The following RIOK1 variants were observed in gnomAD, a reference collection of about 807,000 sequenced individuals.
RIOK1 encodes RIO kinase 1.
RIOK1 carries 66 observed loss-of-function variants against 73.5 expected under a neutral mutation model. The observed-to-expected ratio is 0.90, with a 90% CI of 0.74 to 1.10. The LOEUF is 1.10. RIOK1 is among the 50% of genes least tolerant of loss of function. RIOK1 has a pLI of 0.00. For missense variants in RIOK1, 658 were observed against 699.8 expected, an observed-to-expected ratio of 0.94 and a Z score of 0.67; for synonymous variants, 224 against 226.8, an observed-to-expected ratio of 0.99 and a Z score of 0.11.
chr6:7,417,465 T>A lies in RIOK1; in HGVS notation c.*24T>A. On this transcript the variant is annotated 3_prime_UTR_variant, in exon 17 of 17. Coordinates refer to ENST00000379834, the MANE Select transcript of RIOK1 (RefSeq NM_031480.3). Reference sequence around the variant, plus strand: ...AGAATGAGAACCATATTATGTACAGTCATTTTCCTCAGTTCCTTTTCTCGC... The same window carrying A: ...AGAATGAGAACCATATTATGTACAGACATTTTCCTCAGTTCCTTTTCTCGC... 1.4e-6 allele frequency: 2 copies of A among 1,386,738 alleles called. No homozygotes were observed. The highest frequency in any genetic ancestry group is 5.2e-5 in the Admixed American group (2 of 38,644). The allele number at this position is 1,386,738 out of a possible 1,614,324, so 85.9% of individuals were successfully genotyped here. A position where few individuals can be genotyped will look rare whatever the true frequency, so the allele number is the denominator to read the frequency against.
rs1168009113 is a variant in RIOK1, at chr6:7,404,509, CA to C, written c.947del (p.Gln316ArgfsTer42). On this transcript the variant is annotated frameshift_variant, in exon 10 of 17. Coordinates refer to ENST00000379834, the MANE Select transcript of RIOK1 (RefSeq NM_031480.3). LOFTEE classifies it high-confidence loss of function. ...CATTCAGTACATGAGAAGAATGTAT[CA>C]GGATGCCAGACTTGTCCATGCAGAT... ...QVIQYMRRMYQDARLVHADLS... is the reference protein window; with the variant it reads ...QVIQYMRRMYXDARLVHADLS... 4 of 1,614,140 alleles carry C rather than the reference CA, an allele frequency of 2.5e-6. No individual in the cohort carries two copies. In the South Asian group the frequency reaches 4.4e-5, roughly 18 times the overall value.
At chr6:7,408,277 TC>T (rs1761798891) in intron 12 of RIOK1, among the ~76,000 whole-genome samples, 1 of 152,230 alleles carries the variant, frequency 6.6e-6, no homozygotes, top group African/African-American at 2.4e-5. Context: ...CCTCAGGAGA[TC>T]CGCCTGCCTC....
At chr6:7,407,403 G>A (rs759352737) in intron 12 of RIOK1, among the ~76,000 whole-genome samples, 3 of 151,994 alleles carry the variant, frequency 2.0e-5, no homozygotes, top group Non-Finnish European at 4.4e-5. Context: ...TATGGTTTTG[G>A]TTTGTGTTTC....
intron 16 of RIOK1, among the ~76,000 whole-genome samples, chr6:7,416,125 A>G (rs770936043): frequency 1.7e-4 from 26 of 152,162 alleles, no homozygotes; most frequent in Non-Finnish European, 3.4e-4. Context: ...TGTGACTATT[A>G]TTATTCCATC....
At position 7,402,821 on chromosome 6, in the gene RIOK1, C is replaced by T. The variant is rs138314843; in HGVS notation, c.691C>T (p.Arg231Cys). The stretch of plus-strand genomic sequence containing the variant: ...TAAACATTTTTCTTATTCAAGATTT[C>T]GTCATGGCTATTGTAAAGGAAACCC... The part of the protein sequence containing the change: ...DKYVSGEFRF[R>C]HGYCKGNPRK... The change falls in exon 8 of 17, where the codon CGT becomes TGT. Residue 231 changes from arginine (R) to cysteine (C), a missense_variant. Physicochemically the swap from Arg to Cys is radical, Grantham distance 180 (BLOSUM62 -3). Coordinates refer to ENST00000379834, the MANE Select transcript of RIOK1 (RefSeq NM_031480.3). The T allele has an allele frequency of 4.8e-5, 78 of 1,611,270 alleles. No individual in the cohort carries two copies. The Admixed American group carries it at 9.5e-4, about 20-fold the overall frequency.
intron 1 of RIOK1, among the ~76,000 whole-genome samples, chr6:7,390,301 G>A (rs972065145): frequency 2.3e-4 from 35 of 152,168 alleles, no homozygotes; most frequent in Admixed American, 9.8e-4. Context: ...TTCTCAGGTC[G>A]GTTAGCGTCA....
chr6:7,414,706 G>A (rs1226543545), intron 16 of RIOK1, among the ~76,000 whole-genome samples: 1 of 152,164 alleles, frequency 6.6e-6, no homozygotes, highest in African/African-American at 2.4e-5. Context: ...GGGATTTATA[G>A]CCCAGCTTGA....
intron 2 of RIOK1, among the ~76,000 whole-genome samples, chr6:7,393,899 T>C (rs1465903108): frequency 1.3e-5 from 2 of 152,220 alleles, no homozygotes; most frequent in Non-Finnish European, 2.9e-5. Context: ...GCTATGGGAC[T>C]GATTCGCACA....
At chr6:7,390,253 AGAGTT>A (rs1761296045) in intron 1 of RIOK1, among the ~76,000 whole-genome samples, 180 bp downstream of exon 1, 1 of 152,202 alleles carries the variant, frequency 6.6e-6, no homozygotes, top group African/African-American at 2.4e-5. Context: ...TTCACGCGGC[AGAGTT>A]AAGTGAAAGC....
chr6:7,402,667 C>T lies in RIOK1; in HGVS notation c.638C>T (p.Ser213Phe). The change falls in exon 7 of 17, where the codon TCT becomes TTT. Residue 213 changes from serine (S) to phenylalanine (F), a missense_variant. By Grantham distance (155) the Ser-to-Phe change is radical (BLOSUM62 -2). Transcript: ENST00000379834. ...AGAGCAATCAAAATTTATAAAACTTCTATTTTGGTGTTCAAAGATCGGGAT... is the reference window on the plus strand; with the variant it reads ...AGAGCAATCAAAATTTATAAAACTTTTATTTTGGTGTTCAAAGATCGGGAT... Reference protein sequence around the residue: ...ESRAIKIYKTSILVFKDRDKY... With the variant: ...ESRAIKIYKTFILVFKDRDKY... 6.2e-7 allele frequency: 1 copy of T among 1,612,712 alleles called. No individual in the cohort carries two copies. The highest frequency in any genetic ancestry group is 8.5e-7 in the Non-Finnish European group (1 of 1,179,122).
intron 15 of RIOK1, among the ~76,000 whole-genome samples, chr6:7,413,826 C>T (rs918539345): frequency 2.0e-5 from 3 of 152,204 alleles, no homozygotes; most frequent in African/African-American, 7.2e-5. Flanking sequence ...TGTTTTCCCT[C>T]CCAATTGGAT....
intron 2 of RIOK1, 64 bp from the exon 3 acceptor site, chr6:7,394,989 T>C: frequency 6.3e-7 from 1 of 1,594,738 alleles, no homozygotes; most frequent in Non-Finnish European, 8.5e-7. Context: ...ACTAAGGAAA[T>C]GTGATGATGA....
intron 3 of RIOK1, 152 bp downstream of exon 3, chr6:7,395,295 C>T (rs1278676696): frequency 1.3e-6 from 1 of 754,664 alleles, no homozygotes; most frequent in Non-Finnish European, 2.1e-6. Context: ...GGGTGGATCA[C>T]CTGAGGTCAG....
chr6:7,407,745 C>T (rs752125254), intron 12 of RIOK1, among the ~76,000 whole-genome samples: 3 of 152,066 alleles, frequency 2.0e-5, no homozygotes, highest in Non-Finnish European at 2.9e-5. Context: ...CCTTCTGTCT[C>T]GGCCTCTCAA....
rs56160149 is a variant in RIOK1 at position 7,414,350 on chromosome 6, G to A, written c.1556G>A (p.Arg519His). Reference sequence around the variant, plus strand: ...TCTGAAGAGCAGGGAGACCATGCCCGCCCCAAGAAACACACCACGGACCCT... The same window carrying A: ...TCTGAAGAGCAGGGAGACCATGCCCACCCCAAGAAACACACCACGGACCCT... ...TDSEEQGDHA[R>H]PKKHTTDPDI... The change falls in exon 16 of 17, where the codon CGC (arginine) becomes CAC (histidine). Residue 519 changes from arginine to histidine, a missense_variant. Transcript: ENST00000379834. The A allele has an allele frequency of 9.7e-3, 15,695 of 1,612,174 alleles. 108 individuals carry two copies. The highest frequency in any genetic ancestry group is 0.019 in the South Asian group (1,746 of 90,594).
intron 6 of RIOK1, among the ~76,000 whole-genome samples, chr6:7,401,526 C>T (rs1761611713): frequency 6.6e-6 from 1 of 151,798 alleles, no homozygotes; most frequent in Non-Finnish European, 1.5e-5. Context: ...TTGAAAGGGC[C>T]AGCTAATAAA....
At chr6:7,401,557 C>T (rs1761612431) in intron 6 of RIOK1, among the ~76,000 whole-genome samples, 1 of 151,334 alleles carries the variant, frequency 6.6e-6, no homozygotes, top group African/African-American at 2.4e-5. Flanking sequence ...TGTTGTGGCT[C>T]AATATAGTTT....
chr6:7,391,813 A>G (rs556224392), intron 1 of RIOK1, among the ~76,000 whole-genome samples: 23 of 152,364 alleles, frequency 1.5e-4, no homozygotes, highest in African/African-American at 5.3e-4. Context: ...TGGCAAAGTT[A>G]CAACTTTAAC....
chr6:7,403,899 T>G, intron 8 of RIOK1, 42 bp from the exon 9 acceptor site: 7 of 1,452,246 alleles, frequency 4.8e-6, no homozygotes, highest in Non-Finnish European at 6.7e-6. Flanking sequence ...TAGATGCCTT[T>G]TCAACTTTTC....
Sources: allele counts gnomAD v4.1 joint callset (sites outside exome capture counted in the v4.1 genomes callset), GRCh38; gene constraint gnomAD v4.1.1; transcripts MANE v1.5; gene names NCBI Gene and HGNC (gene_info 2026-07-23, HGNC 2026-07-21).